ZBTB20: variants seen among roughly 807,000 people sequenced by gnomAD.
ZBTB20 encodes the protein zinc finger and BTB domain-containing protein 20.
ZBTB20 carries 9 observed loss-of-function variants against 56.9 expected under a neutral mutation model. The observed-to-expected ratio is 0.16, with a 90% CI of 0.10 to 0.28. The LOEUF (loss-of-function observed/expected upper bound fraction) is 0.28, where lower values mean the gene tolerates loss of function less well. Ranked by LOEUF, ZBTB20 falls within the 10% of genes least tolerant of loss-of-function variation. The probability of loss-of-function intolerance (pLI) is 1.00; values close to 1 mark genes in which losing one functional copy is unlikely to be tolerated. For missense variants in ZBTB20, 655 were observed against 1,003.0 expected, an observed-to-expected ratio of 0.65 and a Z score of 4.69; for synonymous variants, 417 against 420.7, an observed-to-expected ratio of 0.99 and a Z score of 0.11.
chr3:114,392,012 C>T (rs994341730), intron 7 of ZBTB20, among the ~76,000 whole-genome samples: 2 of 152,114 alleles, frequency 1.3e-5, no homozygotes, highest in Non-Finnish European at 2.9e-5. Context: ...TTATTTGCTT[C>T]AACAAACCGA....
intron 4 of ZBTB20, among the ~76,000 whole-genome samples, chr3:114,836,268 G>C (rs1172862794): frequency 6.6e-6 from 1 of 152,108 alleles, no homozygotes; most frequent in Non-Finnish European, 1.5e-5. Flanking sequence ...TATTTTGTCT[G>C]ATTAACTTGC....
At chr3:114,604,027 C>T (rs1299202969) in intron 6 of ZBTB20, among the ~76,000 whole-genome samples, 1 of 151,952 alleles carries the variant, frequency 6.6e-6, no homozygotes, top group Non-Finnish European at 1.5e-5. Context: ...ACCCTTTGAT[C>T]AATAATTTTA....
At chr3:114,434,558 T>TTGTG (rs71146320) in intron 7 of ZBTB20, among the ~76,000 whole-genome samples, 2 of 145,942 alleles carry the variant, frequency 1.4e-5, no homozygotes, top group African/African-American at 2.6e-5. Context: ...GTGTGTGTGT[T>TTGTG]TGTGTGTGTG....
chr3:114,512,252 C>A (rs1332170249), intron 6 of ZBTB20, among the ~76,000 whole-genome samples: 1 of 152,026 alleles, frequency 6.6e-6, no homozygotes, highest in Non-Finnish European at 1.5e-5. Flanking sequence ...TCTTTCATGA[C>A]AGCCTAATAA....
At chr3:115,033,407 G>T (rs2080784379) in intron 2 of ZBTB20, among the ~76,000 whole-genome samples, 1 of 151,492 alleles carries the variant, frequency 6.6e-6, no homozygotes, top group Non-Finnish European at 1.5e-5. Flanking sequence ...TGGACCTGAT[G>T]ACTTCACTGG....
intron 6 of ZBTB20, among the ~76,000 whole-genome samples, chr3:114,686,704 C>T (rs1005681658): frequency 6.6e-6 from 1 of 152,100 alleles, no homozygotes; most frequent in South Asian, 2.1e-4. Flanking sequence ...TCTGAATCCT[C>T]GAAAAACCAC....
chr3:115,104,093 A>C (rs1453415068), intron 1 of ZBTB20, among the ~76,000 whole-genome samples: 2 of 152,224 alleles, frequency 1.3e-5, no homozygotes, highest in African/African-American at 4.8e-5. Context: ...TAAGCGTATG[A>C]AAGGGGCTCC....
intron 2 of ZBTB20, among the ~76,000 whole-genome samples, chr3:114,989,933 G>C (rs1321704817): frequency 6.6e-6 from 1 of 152,108 alleles, no homozygotes; most frequent in East Asian, 1.9e-4. Context: ...GAATGTTCGT[G>C]ATTTTTGCAC....
chr3:114,575,023 A>G (rs1006462230), intron 6 of ZBTB20, among the ~76,000 whole-genome samples: 1 of 152,196 alleles, frequency 6.6e-6, no homozygotes, highest in Non-Finnish European at 1.5e-5. Context: ...AAGTACATCA[A>G]AACCAACTGT....
At chr3:114,411,438 T>C (rs1441199973) in intron 7 of ZBTB20, among the ~76,000 whole-genome samples, 1 of 152,190 alleles carries the variant, frequency 6.6e-6, no homozygotes, top group Non-Finnish European at 1.5e-5. Flanking sequence ...AGTGTCCTTG[T>C]TGAAAGTTTT....
intron 5 of ZBTB20, among the ~76,000 whole-genome samples, chr3:114,762,360 C>T (rs2068500111): frequency 6.6e-6 from 1 of 152,186 alleles, no homozygotes; most frequent in South Asian, 2.1e-4. Flanking sequence ...ACTCCGGGCA[C>T]TCTGATGCCC....
Position 114,334,799 on chromosome 3 carries a change from C to T in ZBTB20, c.*4206G>A, listed in dbSNP as rs1220934022. 3 of 152,110 alleles carry T rather than the reference C, an allele frequency of 2.0e-5. No homozygotes were observed. Among genetic ancestry groups the T allele is most frequent in the African/African-American group, 4.8e-5 (2 of 41,416 alleles). The allele number at this position is 152,110 out of a possible 1,614,324, so 9.4% of individuals were successfully genotyped here. On this transcript the variant is annotated 3_prime_UTR_variant, in exon 12 of 12. Transcript: ENST00000675478. ...AAGCATTAGGAATTTGGGAAGAGAA[C>T]GGTCTATAAAACTGTTATTAGGAGC...
At chr3:115,016,685 C>T (rs1032959781) in intron 2 of ZBTB20, among the ~76,000 whole-genome samples, 2 of 151,700 alleles carry the variant, frequency 1.3e-5, no homozygotes, top group African/African-American at 4.8e-5. Flanking sequence ...TGTTTTTGTA[C>T]CAGTGCCATG....
chr3:114,509,580 C>T (rs1362950814), intron 6 of ZBTB20, among the ~76,000 whole-genome samples: 4 of 152,062 alleles, frequency 2.6e-5, no homozygotes, highest in East Asian at 1.9e-4. Flanking sequence ...CCTATAAATG[C>T]ACACATCATA....
chr3:114,639,231 G>A (rs1202745555), intron 6 of ZBTB20, among the ~76,000 whole-genome samples: 1 of 152,020 alleles, frequency 6.6e-6, no homozygotes, highest in Non-Finnish European at 1.5e-5. Context: ...AGTAGCTTTG[G>A]GTCATTTTAG....
chr3:115,122,820 T>G (rs774058856), intron 1 of ZBTB20, among the ~76,000 whole-genome samples: 2 of 152,116 alleles, frequency 1.3e-5, no homozygotes, highest in Non-Finnish European at 2.9e-5. Flanking sequence ...GGCAATCACC[T>G]TTCCACAAGC....
intron 1 of ZBTB20, among the ~76,000 whole-genome samples, chr3:115,077,211 C>A (rs571862535): frequency 6.6e-6 from 1 of 152,230 alleles, no homozygotes; most frequent in African/African-American, 2.4e-5. Flanking sequence ...AACTAATAAT[C>A]CAACTTTTAA....
At chr3:114,494,055 C>A (rs1196033800) in intron 7 of ZBTB20, among the ~76,000 whole-genome samples, 1 of 152,152 alleles carries the variant, frequency 6.6e-6, no homozygotes, top group African/African-American at 2.4e-5. Flanking sequence ...CTGATCTGCA[C>A]AATTAGGATT....
intron 2 of ZBTB20, among the ~76,000 whole-genome samples, chr3:114,981,226 A>T (rs993248881): frequency 2.0e-5 from 3 of 152,034 alleles, no homozygotes; most frequent in Non-Finnish European, 4.4e-5. Flanking sequence ...AGGAGATTGC[A>T]CTCATACAGT....
Sources: gnomAD v4.1 joint callset for allele counts (sites outside exome capture counted in the v4.1 genomes callset) on GRCh38, gnomAD v4.1.1 for gene constraint, MANE v1.5 for transcripts, NCBI Gene and HGNC (gene_info 2026-07-23, HGNC 2026-07-21) for gene names.